HLCS: variants seen among roughly 807,000 people sequenced by gnomAD.
The protein encoded by HLCS is biotin--protein ligase.
HLCS carries 53 observed loss-of-function variants against 75.0 expected under a neutral mutation model. The observed-to-expected ratio is 0.71, with a 90% confidence interval of 0.57 to 0.89. The LOEUF (loss-of-function observed/expected upper bound fraction) is 0.89. Among genes scored for constraint, HLCS ranks in the 40% least tolerant of loss-of-function variants. HLCS has a pLI of 0.00. For synonymous variants in HLCS, 431 were observed against 428.6 expected (o/e 1.01, Z -0.07); for missense variants, 966 against 1,074.0 (o/e 0.90, Z 1.41).
chr21:36,898,755 T>C (rs1340982354), intron 5 of HLCS, among the ~76,000 whole-genome samples: 3 of 151,968 alleles, frequency 2.0e-5, no homozygotes, highest in Non-Finnish European at 2.9e-5. Context: ...TCAGTTTTAA[T>C]AGGTGTGACA....
chr21:36,781,945 T>G (rs2060547573), intron 6 of HLCS, among the ~76,000 whole-genome samples: 1 of 152,142 alleles, frequency 6.6e-6, no homozygotes, highest in Non-Finnish European at 1.5e-5. Flanking sequence ...TAATCATACA[T>G]TTTTCTTTTT....
chr21:36,874,190 C>G lies in HLCS; in HGVS notation c.1892+22670G>C, dbSNP rs144765495. ...CTTTCCCCATCGGATTGCTTTAACA[C>G]CTGTCTCAAAAATCAAAGGCCCTAA... On this transcript the variant is annotated intron_variant, in intron 6 of 10. Coordinates refer to ENST00000674895, the MANE Select transcript of HLCS (RefSeq NM_001352514.2). Among the ~76,000 whole-genome samples, 226 of 152,152 alleles carry G rather than the reference C, an allele frequency of 1.5e-3. 1 individual carries two copies. Among genetic ancestry groups the G allele is most frequent in the African/African-American group, 5.3e-3 (219 of 41,498 alleles).
At chr21:36,912,392 A>G (rs2146405985) in intron 5 of HLCS, among the ~76,000 whole-genome samples, 1 of 152,310 alleles carries the variant, frequency 6.6e-6, no homozygotes, top group South Asian at 2.1e-4. Flanking sequence ...CCAGACACAA[A>G]AGGACAAATA....
chr21:36,976,421 CAGAA>C (rs1333477148), intron 1 of HLCS, among the ~76,000 whole-genome samples: 6 of 90,102 alleles, frequency 6.7e-5, no homozygotes. Flanking sequence ...CATACACACA[CAGAA>C]AAATACAAGT....
intron 6 of HLCS, among the ~76,000 whole-genome samples, chr21:36,804,725 A>G (rs1601326102): frequency 1.3e-5 from 2 of 152,230 alleles, no homozygotes; most frequent in South Asian, 2.1e-4. Context: ...AAGTGCTTGT[A>G]TTTATTTGCT....
At chr21:36,940,733 A>G (rs2146545506) in intron 2 of HLCS, among the ~76,000 whole-genome samples, 1 of 152,272 alleles carries the variant, frequency 6.6e-6, no homozygotes, top group South Asian at 2.1e-4. Context: ...TTCAAAAGTC[A>G]TCGTCCAACT....
chr21:36,965,548 C>CA (rs199657680), intron 1 of HLCS, among the ~76,000 whole-genome samples: 2,112 of 151,302 alleles, frequency 0.014, 35 homozygotes, highest in African/African-American at 0.039. Context: ...AGCACTGGGT[C>CA]AAAAAAAACA....
rs376235206 is a variant in HLCS at position 36,958,744 on chromosome 21, G to A, written c.330+3292C>T. On this transcript the variant is annotated intron_variant, in intron 2 of 10. Coordinates refer to ENST00000674895, the MANE Select transcript of HLCS (RefSeq NM_001352514.2). ...GTGGAGGTTGCAGTGAGCTGAGATC[G>A]CACCACTGCACTCCAGCCTGGGCAA... is the stretch of plus-strand genomic sequence containing the variant. 2.2e-4 allele frequency among the ~76,000 whole-genome samples: 33 copies of A among 149,540 alleles called. No homozygotes were observed. The East Asian group carries it at 2.7e-3, about 12-fold the overall frequency.
intron 6 of HLCS, among the ~76,000 whole-genome samples, chr21:36,889,299 T>C (rs138590317): frequency 7.7e-4 from 117 of 152,336 alleles, no homozygotes; most frequent in African/African-American, 2.6e-3. Context: ...ACGAAGGAAA[T>C]TGGCGTAAGC....
intron 8 of HLCS, among the ~76,000 whole-genome samples, chr21:36,762,567 C>T (rs1380581245): frequency 1.3e-5 from 2 of 152,084 alleles, no homozygotes; most frequent in Non-Finnish European, 2.9e-5. Flanking sequence ...GTGAAGGCCA[C>T]ACAAAAAGTG....
At position 36,842,786 on chromosome 21, in the gene HLCS, A is replaced by G. The variant is rs2062661216; in HGVS notation, c.1892+54074T>C. Among the ~76,000 whole-genome samples, 1 of 152,202 alleles carries G rather than the reference A, an allele frequency of 6.6e-6. No individual in the cohort carries two copies. Among genetic ancestry groups the G allele is most frequent in the Non-Finnish European group, 1.5e-5 (1 of 68,034 alleles). On this transcript the variant is annotated intron_variant, in intron 6 of 10. Transcript: ENST00000674895. The surrounding 1 kb of genome is among the most constrained non-coding windows in gnomAD (Gnocchi z 4.2). Reference sequence around the variant, plus strand: ...CAAAAAAACTATCTTTATTATTGATAAAACAATTCAAGGCCACGAATCCAG... The same window carrying G: ...CAAAAAAACTATCTTTATTATTGATGAAACAATTCAAGGCCACGAATCCAG...
intron 6 of HLCS, among the ~76,000 whole-genome samples, chr21:36,873,999 A>T (rs1419164409): frequency 6.6e-6 from 1 of 152,190 alleles, no homozygotes; most frequent in Non-Finnish European, 1.5e-5. Context: ...TCATGAAGAT[A>T]TTGTTTTCCT....
At chr21:36,895,957 T>C (rs982909128) in intron 6 of HLCS, among the ~76,000 whole-genome samples, 1 of 152,242 alleles carries the variant, frequency 6.6e-6, no homozygotes, top group Non-Finnish European at 1.5e-5. Context: ...TCTATTTTTT[T>C]AATCTTTAAT....
At chr21:36,916,205 T>C (rs907010714) in intron 5 of HLCS, among the ~76,000 whole-genome samples, 1 of 152,064 alleles carries the variant, frequency 6.6e-6, no homozygotes, top group Admixed American at 6.5e-5. Flanking sequence ...GGTTAGGAAA[T>C]TGCAAGAAAA....
chr21:36,824,482 A>G (rs2061947308), intron 6 of HLCS, among the ~76,000 whole-genome samples: 1 of 152,176 alleles, frequency 6.6e-6, no homozygotes, highest in African/African-American at 2.4e-5. Flanking sequence ...CAAACAGCTA[A>G]TGCATGTAGG....
chr21:36,776,200 C>T (rs1383394465), intron 6 of HLCS, among the ~76,000 whole-genome samples: 1 of 152,216 alleles, frequency 6.6e-6, no homozygotes, highest in Non-Finnish European at 1.5e-5. Flanking sequence ...GCCCTTCACA[C>T]AGCACCCAGA....
intron 2 of HLCS, among the ~76,000 whole-genome samples, chr21:36,958,071 CAATA>C (rs926024562): frequency 2.6e-5 from 2 of 76,728 alleles, no homozygotes; most frequent in African/African-American, 9.4e-5. Context: ...ACTAAAAATA[CAATA>C]AATAAATAAA....
intron 1 of HLCS, among the ~76,000 whole-genome samples, chr21:36,986,499 A>G (rs1601949134): frequency 1.3e-5 from 2 of 151,840 alleles, no homozygotes; most frequent in South Asian, 4.2e-4. Flanking sequence ...GCTCACCACA[A>G]CCTCCGCCTC....
chr21:36,845,032 T>C (rs774666705), intron 6 of HLCS, among the ~76,000 whole-genome samples: 1 of 152,214 alleles, frequency 6.6e-6, no homozygotes, highest in Non-Finnish European at 1.5e-5. Flanking sequence ...TTTTCAAGCT[T>C]ACATGGACTT....
Sources: gnomAD v4.1 joint callset for allele counts (sites outside exome capture counted in the v4.1 genomes callset) on GRCh38, gnomAD v4.1.1 for gene constraint, Gnocchi (gnomAD v3.1) non-coding constraint, MANE v1.5 for transcripts, NCBI Gene and HGNC (gene_info 2026-07-23, HGNC 2026-07-21) for gene names.